Variants in AIG1 observed in about 807,000 individuals in gnomAD.
The protein encoded by AIG1 is androgen induced 1, also known as androgen-induced gene 1 protein.
Under a neutral mutation model 31.4 loss-of-function variants are expected in AIG1, and 23 were observed. The observed-to-expected ratio is 0.73, with a 90% CI of 0.53 to 1.04. The LOEUF is 1.04. AIG1 is among the 50% of genes least tolerant of loss of function. AIG1 has a pLI of 0.00. For missense variants in AIG1, 274 were observed against 295.0 expected, an observed-to-expected ratio of 0.93 and a Z score of 0.52; for synonymous variants, 100 against 110.5, an observed-to-expected ratio of 0.90 and a Z score of 0.60.
At chr6:143,248,377 A>G (rs1195171262) in intron 3 of AIG1, among the ~76,000 whole-genome samples, 1 of 152,162 alleles carries the variant, frequency 6.6e-6, no homozygotes, top group Non-Finnish European at 1.5e-5. Context: ...TTTATGTTTC[A>G]GGAGGCTGTC....
rs925238080 is a variant in AIG1 at position 143,338,125 on chromosome 6, A to G, written c.680-1514A>G. On this transcript the variant is annotated intron_variant, in intron 5 of 5. Transcript: ENST00000357847. This position sits in a 1 kb window ranked among gnomAD's most constrained non-coding sequence, Gnocchi z 4.3. ...CGCTTTGGAAAAAACAGACTTTAAA[A>G]AGAAAAGCAAACTGCTCTTAGCCCC... 2.5e-6 allele frequency: 1 copy of G among 398,130 alleles called. No homozygotes were observed. The highest frequency in any genetic ancestry group is 4.4e-6 in the Non-Finnish European group (1 of 225,862). The allele number at this position is 398,130 out of a possible 1,614,324, so 24.7% of individuals were successfully genotyped here. A position where few individuals can be genotyped will look rare whatever the true frequency, so the allele number is the denominator to read the frequency against.
intron 1 of AIG1, among the ~76,000 whole-genome samples, chr6:143,132,543 G>A (rs1413765495): frequency 6.6e-6 from 1 of 151,924 alleles, no homozygotes; most frequent in East Asian, 1.9e-4. Flanking sequence ...ATTACACTGG[G>A]GATTGATACG....
chr6:143,343,255 G>C, downstream of AIG1: 1 of 655,258 alleles, frequency 1.5e-6, no homozygotes, highest in Non-Finnish European at 2.9e-6. Flanking sequence ...CATCTTGGGG[G>C]AGCTCTCTTT....
intron 3 of AIG1, among the ~76,000 whole-genome samples, chr6:143,185,732 C>T (rs1262982952): frequency 6.6e-6 from 1 of 152,048 alleles, no homozygotes. Flanking sequence ...TTATCTGGCT[C>T]GGTGGCACAT....
chr6:143,284,864 C>T lies in AIG1; in HGVS notation c.515+639C>T, dbSNP rs927668689. On this transcript the variant is annotated intron_variant, in intron 4 of 5. Transcript: ENST00000357847. This position sits in a 1 kb window ranked among gnomAD's most constrained non-coding sequence, Gnocchi z 4.4. ...TGGCGAGTCTACTTCACATTAATTTCAGTTCTTATCAGGTTTTTAACACTT... is the reference window on the plus strand; with the variant it reads ...TGGCGAGTCTACTTCACATTAATTTTAGTTCTTATCAGGTTTTTAACACTT... Among the ~76,000 whole-genome samples, 1 of 152,150 alleles carries T rather than the reference C, an allele frequency of 6.6e-6. No individual in the cohort carries two copies. The highest frequency in any genetic ancestry group is 1.5e-5 in the Non-Finnish European group (1 of 68,026).
chr6:143,275,983 T>G (rs1182861019), intron 3 of AIG1, among the ~76,000 whole-genome samples: 1 of 152,230 alleles, frequency 6.6e-6, no homozygotes, highest in African/African-American at 2.4e-5. Context: ...GCCCACAGGC[T>G]GCTGAGCTGA....
At chr6:143,094,642 A>G (rs565121536) in intron 1 of AIG1, among the ~76,000 whole-genome samples, 12 of 152,200 alleles carry the variant, frequency 7.9e-5, no homozygotes, top group Non-Finnish European at 1.2e-4. Context: ...GGACTAGAAT[A>G]GCACCCAAGT....
At chr6:143,341,072 GTCTC>G (rs554853951), downstream of AIG1, among the ~76,000 whole-genome samples, 650 of 152,188 alleles carry the variant, frequency 4.3e-3, 3 homozygotes, top group African/African-American at 0.015. Context: ...CCGTCTCTCT[GTCTC>G]TCTCTTTCTC....
intron 4 of AIG1, among the ~76,000 whole-genome samples, chr6:143,286,492 C>T (rs1797687371): frequency 6.6e-6 from 1 of 152,164 alleles, no homozygotes; most frequent in Non-Finnish European, 1.5e-5. Flanking sequence ...AAATGCTAAA[C>T]AATGGCCCTC....
intron 3 of AIG1, among the ~76,000 whole-genome samples, chr6:143,168,414 C>G (rs975668111): frequency 1.5e-5 from 2 of 131,728 alleles, no homozygotes; most frequent in South Asian, 2.9e-4. Context: ...CCCCTCCCCC[C>G]ACCCCACAAC....
intron 4 of AIG1, among the ~76,000 whole-genome samples, chr6:143,305,233 T>C (rs1345480618): frequency 3.3e-5 from 5 of 152,176 alleles, no homozygotes; most frequent in Admixed American, 1.3e-4. Context: ...TCCTTCAGTT[T>C]TGCTGTGATT....
rs150166066 is a variant in AIG1 at position 143,223,650 on chromosome 6, A to G, written c.399+58467A>G. On this transcript the variant is annotated intron_variant, in intron 3 of 5. Coordinates refer to ENST00000357847, the MANE Select transcript of AIG1 (RefSeq NM_016108.4). ...TTTAAGACAGTGAAAATGCACTGCA[A>G]TTTGGTTTAATGTACTTGAATGTAG... Among the ~76,000 whole-genome samples, 152 of 152,270 alleles carry G rather than the reference A, an allele frequency of 1.0e-3. 1 individual carries two copies. In the East Asian group the frequency reaches 0.027, roughly 27 times the overall value.
intron 3 of AIG1, chr6:143,187,764 A>G: frequency 1.3e-6 from 2 of 1,520,482 alleles, no homozygotes; most frequent in Non-Finnish European, 1.8e-6. Flanking sequence ...TGCTCTGCAC[A>G]AGAAGGACAT....
intron 4 of AIG1, among the ~76,000 whole-genome samples, chr6:143,286,206 A>C (rs184260904): frequency 4.6e-5 from 7 of 152,282 alleles, no homozygotes; most frequent in Non-Finnish European, 1.0e-4. Context: ...CCTGTCTTCC[A>C]TTGTGGGTAG....
intron 5 of AIG1, chr6:143,339,418 G>A (rs1777749411): frequency 4.8e-6 from 2 of 419,960 alleles, no homozygotes; most frequent in Admixed American, 4.4e-5. Flanking sequence ...TCCTGATTCT[G>A]TGGAAAGGGT....
At chr6:143,342,579 T>A, downstream of AIG1, 1 of 987,516 alleles carries the variant, frequency 1.0e-6, no homozygotes, top group Non-Finnish European at 1.6e-6. Flanking sequence ...TTACAGGCTG[T>A]GCATTTGGAT....
chr6:143,169,958 C>G (rs1787333246), intron 3 of AIG1, among the ~76,000 whole-genome samples: 1 of 151,852 alleles, frequency 6.6e-6, no homozygotes, highest in Non-Finnish European at 1.5e-5. Flanking sequence ...TAAATATAAA[C>G]TTTTGGATGT....
chr6:143,132,646 C>G (rs895362269), intron 1 of AIG1, among the ~76,000 whole-genome samples: 2 of 151,446 alleles, frequency 1.3e-5, no homozygotes, highest in Non-Finnish European at 2.9e-5. Flanking sequence ...ATTATTTCTT[C>G]AGTTTTTTTT....
chr6:143,174,517 A>G (rs954538009), intron 3 of AIG1, among the ~76,000 whole-genome samples: 1 of 149,394 alleles, frequency 6.7e-6, no homozygotes, highest in African/African-American at 2.5e-5. Context: ...AAGAAAAGCT[A>G]CTCCTGCTCA....
Sources: gnomAD v4.1 joint callset for allele counts (sites outside exome capture counted in the v4.1 genomes callset) on GRCh38, gnomAD v4.1.1 for gene constraint, Gnocchi (gnomAD v3.1) non-coding constraint, MANE v1.5 for transcripts, NCBI Gene and HGNC (gene_info 2026-07-23, HGNC 2026-07-21) for gene names.